Variants in RELA observed in about 807,000 individuals in gnomAD.
RELA encodes the protein RELA proto-oncogene, NF-kB subunit.
A neutral mutation model predicts 56.7 loss-of-function variants in RELA; 14 were observed. That is an observed-to-expected ratio of 0.25 (90% CI 0.16 to 0.39). The LOEUF (loss-of-function observed/expected upper bound fraction) is 0.39. Among genes scored for constraint, RELA ranks in the 10% least tolerant of loss-of-function variants. The pLI is 1.00. For synonymous variants in RELA, 315 were observed against 289.7 expected (o/e 1.09, Z -0.89); for missense variants, 559 against 736.4 (o/e 0.76, Z 2.79).
intron 8 of RELA, among the ~76,000 whole-genome samples, chr11:65,657,265 A>G (rs1856455267): frequency 6.6e-6 from 1 of 152,172 alleles, no homozygotes; most frequent in South Asian, 2.1e-4. Context: ...GTAAGACGCA[A>G]AACGGCTGCA....
Position 65,662,165 on chromosome 11 carries a change from C to A in RELA, c.34+14G>T, listed in dbSNP as rs1254061419. On this transcript the variant is annotated intron_variant, in intron 2 of 10. Coordinates refer to ENST00000406246, the MANE Select transcript of RELA (RefSeq NM_021975.4). ...CCAGGGAGCACCTCCCCGACCGCCG[C>A]GGGGGCCACTTACCTGCCGGGAAGA... 1.0e-5 allele frequency: 16 copies of A among 1,589,776 alleles called. No individual in the cohort carries two copies. The Admixed American group carries it at 3.1e-4, about 31-fold the overall frequency.
chr11:65,662,596 C>CT (rs1856600724), intron 1 of RELA: 1 of 379,084 alleles, frequency 2.6e-6, no homozygotes, highest in Admixed American at 4.6e-5. Flanking sequence ...GTTCCCTCTG[C>CT]TCCCCCACCC....
In RELA at chr11:65,655,952, G is replaced by A. The variant is rs772765065; in HGVS notation, c.878-17C>T. On this transcript the variant is annotated splice_polypyrimidine_tract_variant and intron_variant, in intron 8 of 10. Transcript: ENST00000406246. Reference sequence around the variant, plus strand: ...GACGATCGTCTGGGAAAGTAAGGGGGAGAAGTGGGACTTGCTCTCCTCAGG... The same window carrying A: ...GACGATCGTCTGGGAAAGTAAGGGGAAGAAGTGGGACTTGCTCTCCTCAGG... 2 of 1,611,896 alleles carry A rather than the reference G, an allele frequency of 1.2e-6. No homozygotes were observed. Among genetic ancestry groups the A allele is most frequent in the East Asian group, 2.2e-5 (1 of 44,874 alleles).
In RELA at chr11:65,661,037, T is replaced by TAAA. The variant is rs34431664; in HGVS notation, c.335+647_335+649dup. ...CTGGGGACAGAGCAAGACTCTTTCT[T>TAAA]AAAAAAAAAAAAAAAAAAAAAAAGA... On this transcript the variant is annotated intron_variant, in intron 4 of 10. Transcript: ENST00000406246. Among the ~76,000 whole-genome samples, 34 of 109,258 alleles carry TAAA rather than the reference T, an allele frequency of 3.1e-4. No homozygotes were observed. In the East Asian group the frequency reaches 4.6e-3, roughly 15 times the overall value. The allele number at this position is 109,258 out of a possible 152,430, so 71.7% of individuals were successfully genotyped here.
At position 65,658,406 on chromosome 11, in the gene RELA, C is replaced by T. The variant is rs769190277; in HGVS notation, c.758G>A (p.Arg253Gln). 16 of 1,613,830 alleles carry T rather than the reference C, an allele frequency of 9.9e-6. No homozygotes were observed. The highest frequency in any genetic ancestry group is 3.3e-5 in the Admixed American group (2 of 59,978). ...DVHRQVAIVFRTPPYADPSLQ... is the reference protein window; with the variant it reads ...DVHRQVAIVFQTPPYADPSLQ... Reference sequence around the variant, plus strand: ...GCTGGGGTCTGCGTAGGGAGGGGTCCGGAACACAATGGCCACTTGTCGGTG... The same window carrying T: ...GCTGGGGTCTGCGTAGGGAGGGGTCTGGAACACAATGGCCACTTGTCGGTG... Residue 253 changes from arginine (R) to glutamine (Q), a missense_variant, in exon 8 of 11, where the codon CGG (arginine) becomes CAG (glutamine). Coordinates refer to ENST00000406246, the MANE Select transcript of RELA (RefSeq NM_021975.4). This position sits in a 1 kb window ranked among gnomAD's most constrained non-coding sequence, Gnocchi z 4.5.
rs113626536 is a variant in RELA, at chr11:65,658,737, C to G, written c.645G>C (p.Leu215=). The change falls in exon 7 of 11, where the codon CTG becomes CTC. Residue 215 remains leucine (L), a synonymous_variant. Coordinates refer to ENST00000406246, the MANE Select transcript of RELA (RefSeq NM_021975.4). This position sits in a 1 kb window ranked among gnomAD's most constrained non-coding sequence, Gnocchi z 4.5. ...GTATACCTTTCTGCACCTTGTCACA[C>G]AGTAGGAAGATCTCATCCCCACCGA... The part of the protein sequence containing the change: ...SCLGGDEIFL[L]CDKVQKEDIE... 5.9e-5 allele frequency: 96 copies of G among 1,614,116 alleles called. 2 individuals carry two copies. In the African/African-American group the frequency reaches 7.7e-4, roughly 13 times the overall value.
chr11:65,657,854 C>T (rs11568299), intron 8 of RELA, among the ~76,000 whole-genome samples: 32 of 152,316 alleles, frequency 2.1e-4, no homozygotes, highest in African/African-American at 7.5e-4. Flanking sequence ...TGGCACAGGC[C>T]CTGGTACCAA....
At chr11:65,656,897 C>T (rs1227390594) in intron 8 of RELA, among the ~76,000 whole-genome samples, 5 of 152,040 alleles carry the variant, frequency 3.3e-5, no homozygotes, top group Non-Finnish European at 5.9e-5. Context: ...TGGTGGCGGG[C>T]GCCTGTAGTC....
Position 65,658,521 on chromosome 11 carries a change from T to C in RELA, c.665-22A>G, listed in dbSNP as rs1470843343. On this transcript the variant is annotated intron_variant, in intron 7 of 10. Transcript: ENST00000406246. The surrounding 1 kb of genome is among the most constrained non-coding windows in gnomAD (Gnocchi z 4.5). ...TCCTCTGCAGGAGATGCGGTGGCAG[T>C]GTGGGTCAGTGTGTCTAACCCTCCA... 2 of 1,563,418 alleles carry C rather than the reference T, an allele frequency of 1.3e-6. No individual in the cohort carries two copies. Among genetic ancestry groups the C allele is most frequent in the Admixed American group, 1.7e-5 (1 of 58,084 alleles).
chr11:65,654,673 A>G lies in RELA; in HGVS notation c.1361T>C (p.Leu454Pro). 1.3e-6 allele frequency: 2 copies of G among 1,557,842 alleles called. No homozygotes were observed. Among genetic ancestry groups the G allele is most frequent in the Non-Finnish European group, 1.7e-6 (2 of 1,153,704 alleles). The change falls in exon 11 of 11, where the codon CTT becomes CCT. Residue 454 changes from leucine to proline, a missense_variant. By Grantham distance (98) the Leu-to-Pro change is moderately conservative. Around this residue, in one of 4 missense-constraint regions of RELA, gnomAD observed 365 missense variants for 387.5 expected, o/e 0.94. Coordinates refer to ENST00000406246, the MANE Select transcript of RELA (RefSeq NM_021975.4). ...QFDDEDLGAL[L>P]GNSTDPAVFT... ...CACAGCTGGGTCTGTGCTGTTGCCA[A>G]GCAAGGCCCCCAGGTCTTCATCATC... is the stretch of plus-strand genomic sequence containing the variant.
chr11:65,660,286 T>G, intron 4 of RELA, 71 bp from the exon 5 acceptor site: 2 of 1,384,324 alleles, frequency 1.4e-6, no homozygotes, highest in South Asian at 2.3e-5. Flanking sequence ...CCCAGCCTGC[T>G]CCTTCCTACT....
intron 10 of RELA, 41 bp downstream of exon 10, chr11:65,655,647 G>C: frequency 6.3e-7 from 1 of 1,589,664 alleles, no homozygotes; most frequent in Non-Finnish European, 8.6e-7. Flanking sequence ...GCTGAACAGA[G>C]CTGAACCTGT....
At chr11:65,662,752 G>A (rs1590941096) in intron 1 of RELA, 74 bp downstream of exon 1, 1 of 1,147,126 alleles carries the variant, frequency 8.7e-7, no homozygotes, top group Non-Finnish European at 1.1e-6. Context: ...GGGGCGGAAA[G>A]CGGCGCGGGG....
At chr11:65,662,244 T>C (rs971965494) in intron 1 of RELA, 39 bp from the exon 2 acceptor site, 4 of 1,510,068 alleles carry the variant, frequency 2.6e-6, no homozygotes, top group Non-Finnish European at 3.5e-6. Flanking sequence ...ACACACCCAA[T>C]GCCCATTCTC....
rs374908663 is a variant in RELA at position 65,654,401 on chromosome 11, G to A, written c.1633C>T (p.Leu545=). 1.9e-6 allele frequency: 3 copies of A among 1,612,618 alleles called. No individual in the cohort carries two copies. The highest frequency in any genetic ancestry group is 2.5e-6 in the Non-Finnish European group (3 of 1,179,454). The change falls in exon 11 of 11, where the codon CTG becomes TTG. Residue 545 remains leucine, a synonymous_variant. Coordinates refer to ENST00000406246, the MANE Select transcript of RELA (RefSeq NM_021975.4). The part of the protein sequence containing the change: ...SSIADMDFSA[L]LSQISS ...CCTTAGGAGCTGATCTGACTCAGCAGGGCTGAGAAGTCCATGTCCGCAATG... is the reference window on the plus strand; with the variant it reads ...CCTTAGGAGCTGATCTGACTCAGCAAGGCTGAGAAGTCCATGTCCGCAATG...
At position 65,655,759 on chromosome 11, in the gene RELA, G is replaced by A. The variant is rs1196982543; in HGVS notation, c.962C>T (p.Pro321Leu). 1 of 1,613,810 alleles carries A rather than the reference G, an allele frequency of 6.2e-7. No homozygotes were observed. The highest frequency in any genetic ancestry group is 8.5e-7 in the Non-Finnish European group (1 of 1,179,944). Residue 321 changes from proline (P) to leucine (L), a missense_variant, in exon 10 of 11, where the codon CCC becomes CTC. By Grantham distance (98) the Pro-to-Leu change is moderately conservative. Transcript: ENST00000406246. ...SIMKKSPFSG[P>L]TDPRPPPRRI... is the part of the protein sequence containing the mutation. ...TCGAGGTGGAGGCCGGGGGTCGGTG[G>A]GTCCTGTAGGGCAAGGGCTAGGTCA...
In RELA at chr11:65,654,907, G is replaced by T. The variant is rs1485245702; in HGVS notation, c.1127C>A (p.Ala376Asp). ...MVFPSGQISQ[A>D]SALAPAPPQV... ...GGGAGGGGCCGGGGCCAAGGCCGAG[G>T]CCTGGCTGATCTGCCCAGAAGGAAA... Residue 376 changes from alanine (A) to aspartate (D), a missense_variant, in exon 11 of 11, where the codon GCC becomes GAC. Physicochemically the swap from Ala to Asp is moderately radical, Grantham distance 126 (BLOSUM62 -2). Around this residue, in one of 4 missense-constraint regions of RELA, gnomAD observed 365 missense variants for 387.5 expected, o/e 0.94. Coordinates refer to ENST00000406246, the MANE Select transcript of RELA (RefSeq NM_021975.4). 1.9e-6 allele frequency: 3 copies of T among 1,595,020 alleles called. No homozygotes were observed. In the East Asian group the frequency reaches 6.8e-5, roughly 36 times the overall value.
intron 10 of RELA, chr11:65,655,467 C>T: frequency 3.4e-6 from 2 of 593,432 alleles, no homozygotes; most frequent in Non-Finnish European, 6.0e-6. Context: ...GCATTTTTAA[C>T]TTCTGATTCC....
chr11:65,660,650 C>T (rs1004969102), intron 4 of RELA: 1 of 185,474 alleles, frequency 5.4e-6, no homozygotes, highest in Non-Finnish European at 1.1e-5. Context: ...CCCAGGTTAT[C>T]CTTCTATCCT....
Sources: gnomAD v4.1 joint callset for allele counts (sites outside exome capture counted in the v4.1 genomes callset) on GRCh38, gnomAD v4.1.1 for gene constraint, gnomAD v4.1.1 regional missense constraint, Gnocchi (gnomAD v3.1) non-coding constraint, MANE v1.5 for transcripts, NCBI Gene and HGNC (gene_info 2026-07-23, HGNC 2026-07-21) for gene names.